Variants in PLAAT3 observed in about 807,000 individuals in gnomAD.
PLAAT3 encodes Ca-independent phospholipase A1/2.
Under a neutral mutation model 16.7 loss-of-function variants are expected in PLAAT3, and 21 were observed. That is an observed-to-expected ratio of 1.26 (90% CI 0.89 to 1.81). The LOEUF (loss-of-function observed/expected upper bound fraction) is 1.81, where lower values mean the gene tolerates loss of function less well. Ranked by LOEUF, PLAAT3 falls within the 40% of genes most tolerant of loss-of-function variation. PLAAT3 has a pLI of 0.00. For synonymous variants in PLAAT3, 76 were observed against 81.7 expected, an observed-to-expected ratio of 0.93 and a Z score of 0.38; for missense variants, 219 against 213.7, an observed-to-expected ratio of 1.02 and a Z score of -0.16.
At position 63,589,939 on chromosome 11, in the gene PLAAT3, C is replaced by T. The variant is rs567013751; in HGVS notation, c.387+161G>A. 2.6e-5 allele frequency among the ~76,000 whole-genome samples: 3 copies of T among 115,190 alleles called. No homozygotes were observed. In the East Asian group the frequency reaches 7.0e-4, roughly 27 times the overall value. 75.6% of individuals were successfully genotyped at this position (115,190 alleles called of 152,430 possible). ...CTGCATTGCCAACTTGCCTCTCTCC[C>T]CACCCTTGTCCCCACCCTTGTCCCA... is the stretch of plus-strand genomic sequence containing the variant. On this transcript the variant is annotated intron_variant, in intron 4 of 4. Transcript: ENST00000415826.
At chr11:63,600,576 T>G (rs139344766) in intron 2 of PLAAT3, among the ~76,000 whole-genome samples, 1 of 134,014 alleles carries the variant, frequency 7.5e-6, no homozygotes, top group East Asian at 2.3e-4. Context: ...ATCTTCATGG[T>G]TTTTTTGTTT....
intron 4 of PLAAT3, among the ~76,000 whole-genome samples, chr11:63,586,301 T>C (rs1211462348): frequency 6.6e-6 from 1 of 152,108 alleles, no homozygotes; most frequent in Non-Finnish European, 1.5e-5. Context: ...ACCCAGCTAA[T>C]TTTTGTATTT....
chr11:63,612,238 C>T (rs941855597), intron 2 of PLAAT3, among the ~76,000 whole-genome samples: 2 of 152,142 alleles, frequency 1.3e-5, no homozygotes, highest in Non-Finnish European at 2.9e-5. Flanking sequence ...TTTCAAACTC[C>T]TAGGCTCAAG....
chr11:63,601,912 G>T (rs1339417976), intron 2 of PLAAT3, among the ~76,000 whole-genome samples: 1 of 151,836 alleles, frequency 6.6e-6, no homozygotes, highest in Non-Finnish European at 1.5e-5. Flanking sequence ...AGGAGGTGGT[G>T]GGGGTTGCAG....
At chr11:63,579,624 C>CA (rs1411758972) in intron 4 of PLAAT3, among the ~76,000 whole-genome samples, 1 of 147,700 alleles carries the variant, frequency 6.8e-6, no homozygotes, top group Admixed American at 7.0e-5. Flanking sequence ...ATCACAAGGA[C>CA]AAAAACCAAA....
chr11:63,608,512 C>A (rs1481685678), intron 2 of PLAAT3: 2 of 152,354 alleles, frequency 1.3e-5, no homozygotes, highest in African/African-American at 2.4e-5. Flanking sequence ...AGTCCAAGAC[C>A]CCCGGCTCTG....
intron 2 of PLAAT3, among the ~76,000 whole-genome samples, chr11:63,606,425 A>AACACAC (rs34044017): frequency 0.023 from 3,247 of 140,148 alleles, 54 homozygotes; most frequent in South Asian, 0.038. Context: ...TCTACTATAA[A>AACACAC]ACACACACAC....
intron 3 of PLAAT3, among the ~76,000 whole-genome samples, chr11:63,592,057 A>C (rs1440489906): frequency 6.6e-6 from 1 of 152,248 alleles, no homozygotes; most frequent in Non-Finnish European, 1.5e-5. Context: ...GCACATCACC[A>C]ACCAGCTGAG....
intron 1 of PLAAT3, 105 bp from the exon 2 acceptor site, chr11:63,614,173 G>T: frequency 1.1e-6 from 1 of 938,744 alleles, no homozygotes; most frequent in Non-Finnish European, 1.7e-6. Context: ...GGCGCGCCTC[G>T]GACCCCAGGA....
intron 4 of PLAAT3, among the ~76,000 whole-genome samples, chr11:63,583,482 A>C (rs1937880707): frequency 6.6e-6 from 1 of 152,218 alleles, no homozygotes; most frequent in Non-Finnish European, 1.5e-5. Context: ...AAACAACAAT[A>C]ACCTCATTGT....
At chr11:63,578,776 A>G (rs1937699184) in intron 4 of PLAAT3, among the ~76,000 whole-genome samples, 1 of 151,772 alleles carries the variant, frequency 6.6e-6, no homozygotes, top group Non-Finnish European at 1.5e-5. Context: ...ACCCTAGAAG[A>G]AAACCTAGGC....
At chr11:63,596,548 G>C (rs1323973660) in intron 3 of PLAAT3, among the ~76,000 whole-genome samples, 1 of 151,676 alleles carries the variant, frequency 6.6e-6, no homozygotes, top group Non-Finnish European at 1.5e-5. Context: ...AGAATCAGTA[G>C]GAGCCCTGAG....
At chr11:63,591,398 GA>G (rs1938149430) in intron 3 of PLAAT3, among the ~76,000 whole-genome samples, 1 of 151,984 alleles carries the variant, frequency 6.6e-6, no homozygotes, top group South Asian at 2.1e-4. Context: ...AAAAGAAAAA[GA>G]AAAAGTAGGT....
rs867432951 is a variant in PLAAT3, at chr11:63,613,928, G to T, written c.15+72C>A. On this transcript the variant is annotated intron_variant, in intron 2 of 4. Coordinates refer to ENST00000415826, the MANE Select transcript of PLAAT3 (RefSeq NM_001128203.2). Reference sequence around the variant, plus strand: ...TCCTCTCTCGGAAGCAGTAATTCAGGCTCCGAGACAACGAGTCCCCACTAA... The same window carrying T: ...TCCTCTCTCGGAAGCAGTAATTCAGTCTCCGAGACAACGAGTCCCCACTAA... 15 of 947,320 alleles carry T rather than the reference G, an allele frequency of 1.6e-5. No homozygotes were observed. In the African/African-American group the frequency reaches 2.1e-4, roughly 13 times the overall value. 58.7% of individuals were successfully genotyped at this position (947,320 alleles called of 1,614,324 possible).
intron 4 of PLAAT3, among the ~76,000 whole-genome samples, chr11:63,584,025 G>A (rs151290369): frequency 1.1e-3 from 170 of 152,144 alleles, no homozygotes; most frequent in Non-Finnish European, 1.9e-3. Context: ...GACTGTTAGA[G>A]GTTACAATAT....
At chr11:63,587,752 A>G (rs1024949542) in intron 4 of PLAAT3, among the ~76,000 whole-genome samples, 1 of 152,074 alleles carries the variant, frequency 6.6e-6, no homozygotes, top group African/African-American at 2.4e-5. Context: ...ATTTCTCAGT[A>G]AACTATTAGG....
At chr11:63,590,048 G>A in intron 4 of PLAAT3, 52 bp downstream of exon 4, 1 of 1,568,542 alleles carries the variant, frequency 6.4e-7, no homozygotes, top group Non-Finnish European at 8.7e-7. Flanking sequence ...GCCTCCGTCA[G>A]CAGAGGGAAT....
chr11:63,605,192 C>T (rs1203581392), intron 2 of PLAAT3, among the ~76,000 whole-genome samples: 3 of 151,750 alleles, frequency 2.0e-5, no homozygotes, highest in East Asian at 1.9e-4. Context: ...GTCAAGAGTG[C>T]GAGACCAGCC....
chr11:63,606,425 A>AAC (rs34044017), intron 2 of PLAAT3, among the ~76,000 whole-genome samples: 49,125 of 139,956 alleles, frequency 0.35, 8,355 homozygotes, highest in South Asian at 0.41. Context: ...TCTACTATAA[A>AAC]ACACACACAC....
Sources: allele counts gnomAD v4.1 joint callset (sites outside exome capture counted in the v4.1 genomes callset), GRCh38; gene constraint gnomAD v4.1.1; transcripts MANE v1.5; gene names NCBI Gene and HGNC (gene_info 2026-07-23, HGNC 2026-07-21).